Variants in EML1 observed in about 807,000 individuals in gnomAD.
The protein encoded by EML1 is EMAP like 1.
EML1 carries 27 observed loss-of-function variants against 110.4 expected under a neutral mutation model. That is an observed-to-expected ratio of 0.24 (90% CI 0.18 to 0.34). The LOEUF is 0.34. Ranked by LOEUF, EML1 falls within the 10% of genes least tolerant of loss-of-function variation. The probability of loss-of-function intolerance (pLI) is 1.00; values close to 1 mark genes in which losing one functional copy is unlikely to be tolerated. For synonymous variants in EML1, 344 were observed against 385.8 expected (o/e 0.89, Z 1.27); for missense variants, 741 against 1,030.9 (o/e 0.72, Z 3.85).
chr14:99,929,570 C>T (rs1488235212), intron 17 of EML1, among the ~76,000 whole-genome samples: 1 of 152,184 alleles, frequency 6.6e-6, no homozygotes, highest in Non-Finnish European at 1.5e-5. Flanking sequence ...TAACTAACTA[C>T]AGTGCAACAG....
At chr14:99,883,257 G>C (rs536332124) in intron 4 of EML1, 3 of 152,106 alleles carry the variant, frequency 2.0e-5, no homozygotes, top group African/African-American at 7.2e-5. Flanking sequence ...TAGGCCGGGC[G>C]TGGTGGCCCA....
intron 1 of EML1, among the ~76,000 whole-genome samples, chr14:99,744,989 T>C (rs2140164177): frequency 6.6e-6 from 1 of 152,278 alleles, no homozygotes; most frequent in East Asian, 1.9e-4. Context: ...TTCACTCTAA[T>C]ACAGATATGC....
intron 1 of EML1, among the ~76,000 whole-genome samples, chr14:99,788,345 T>C (rs1161396336): frequency 6.6e-6 from 1 of 152,232 alleles, no homozygotes; most frequent in East Asian, 1.9e-4. Flanking sequence ...CACATGTAGG[T>C]ACATTGTAAG....
chr14:99,898,317 C>T lies in EML1; in HGVS notation c.897+15C>T. On this transcript the variant is annotated intron_variant, in intron 8 of 21. Coordinates refer to ENST00000262233, the MANE Select transcript of EML1 (RefSeq NM_004434.3). Reference sequence around the variant, plus strand: ...AGGATGGAAAAGTGAGTTACGTTACCTTTTCATTGTTTCATAATGAACTGG... The same window carrying T: ...AGGATGGAAAAGTGAGTTACGTTACTTTTTCATTGTTTCATAATGAACTGG... 1 of 1,606,552 alleles carries T rather than the reference C, an allele frequency of 6.2e-7. No individual in the cohort carries two copies. The highest frequency in any genetic ancestry group is 8.5e-7 in the Non-Finnish European group (1 of 1,175,970).
upstream of EML1, among the ~76,000 whole-genome samples, chr14:99,770,391 C>CTATCTATCTATT (rs1201436568): frequency 9.6e-4 from 146 of 152,036 alleles, 1 homozygote; most frequent in Middle Eastern, 0.02. Context: ...ATCTATCTAT[C>CTATCTATCTATT]TATCTATCTA....
chr14:99,747,696 C>T (rs780471650), intron 1 of EML1, among the ~76,000 whole-genome samples: 19 of 152,166 alleles, frequency 1.2e-4, no homozygotes, highest in Non-Finnish European at 2.4e-4. Context: ...GGCTTGGGCC[C>T]GCTTCTTATC....
rs576695242 is a variant in EML1 at position 99,774,554 on chromosome 14, G to T, written c.-27+541G>T. Among the ~76,000 whole-genome samples, 3 of 152,266 alleles carry T rather than the reference G, an allele frequency of 2.0e-5. No individual in the cohort carries two copies. In the East Asian group the frequency reaches 5.8e-4, roughly 29 times the overall value. On this transcript the variant is annotated intron_variant, in intron 1 of 22. Transcript: ENST00000327921. ...CCACCCACTCAAGGGTTCATGCTTG[G>T]CACGGGAGCAGCCCTCCAAGCCCCT... is the stretch of plus-strand genomic sequence containing the variant.
In EML1 at chr14:99,939,339, G is replaced by A. The variant is rs768812259; in HGVS notation, c.2322+12G>A. 1.7e-5 allele frequency: 27 copies of A among 1,613,946 alleles called. No individual in the cohort carries two copies. The highest frequency in any genetic ancestry group is 2.3e-5 in the Non-Finnish European group (27 of 1,179,966). ...GCTCGCAGTTCAGGGTAAAGGACTT[G>A]TTTCTTCACTAATCTTATCCCCCAT... On this transcript the variant is annotated intron_variant, in intron 21 of 21. Coordinates refer to ENST00000262233, the MANE Select transcript of EML1 (RefSeq NM_004434.3). The surrounding 1 kb of genome is among the most constrained non-coding windows in gnomAD (Gnocchi z 4.2).
Position 99,900,928 on chromosome 14 carries a change from G to A in EML1, c.898-1G>A. On this transcript the variant is annotated splice_acceptor_variant, in intron 8 of 21. Coordinates refer to ENST00000262233, the MANE Select transcript of EML1 (RefSeq NM_004434.3). LOFTEE classifies it high-confidence loss of function. ...TGGCTCTGTGTTTCTTTTCTGAACA[G>A]CAATTGCCCCCACATGTGCGCATCT... The A allele has an allele frequency of 1.2e-6, 2 of 1,613,660 alleles. No homozygotes were observed. The highest frequency in any genetic ancestry group is 1.7e-6 in the Non-Finnish European group (2 of 1,179,548).
intron 4 of EML1, among the ~76,000 whole-genome samples, chr14:99,887,372 CG>C (rs1004291485): frequency 5.3e-5 from 8 of 151,980 alleles, no homozygotes; most frequent in Admixed American, 1.3e-4. Context: ...GTTTGTTCAC[CG>C]GGGGGGCAAA....
intron 2 of EML1, among the ~76,000 whole-genome samples, chr14:99,857,245 TG>T (rs1052864453): frequency 3.8e-4 from 57 of 151,900 alleles, no homozygotes; most frequent in African/African-American, 1.3e-3. Flanking sequence ...CACTTCAGCC[TG>T]GGCAACAGGG....
chr14:99,917,905 T>C, intron 16 of EML1, 56 bp downstream of exon 16: 1 of 1,563,934 alleles, frequency 6.4e-7, no homozygotes, highest in Admixed American at 1.7e-5. Flanking sequence ...AGAGGCCTGT[T>C]GTTTCTATTT....
chr14:99,902,665 G>A (rs2059780906), intron 9 of EML1, among the ~76,000 whole-genome samples: 1 of 152,174 alleles, frequency 6.6e-6, no homozygotes, highest in Non-Finnish European at 1.5e-5. Context: ...GGCTTTGATG[G>A]AACTCTGTTC....
intron 1 of EML1, among the ~76,000 whole-genome samples, chr14:99,779,630 A>T (rs912590717): frequency 6.6e-6 from 1 of 152,170 alleles, no homozygotes; most frequent in African/African-American, 2.4e-5. Context: ...AGGTCTTTCC[A>T]CAAGACTTCG....
intron 1 of EML1, among the ~76,000 whole-genome samples, chr14:99,813,979 G>T (rs1479269345): frequency 1.3e-5 from 2 of 152,046 alleles, no homozygotes; most frequent in African/African-American, 4.8e-5. Flanking sequence ...GCAGACGAAG[G>T]CCAGCAGCAT....
At chr14:99,927,084 C>T (rs991575685) in intron 17 of EML1, among the ~76,000 whole-genome samples, 2 of 152,188 alleles carry the variant, frequency 1.3e-5, no homozygotes, top group African/African-American at 4.8e-5. Flanking sequence ...GTATCGTTGT[C>T]TCCTCCCCAA....
chr14:99,763,490 C>G (rs1349534291), intron 1 of EML1, among the ~76,000 whole-genome samples: 1 of 152,158 alleles, frequency 6.6e-6, no homozygotes, highest in Non-Finnish European at 1.5e-5. Flanking sequence ...GGGCACTACT[C>G]CCGGTGATAA....
chr14:99,873,701 C>A (rs1337980788), intron 3 of EML1, among the ~76,000 whole-genome samples: 1 of 152,208 alleles, frequency 6.6e-6, no homozygotes, highest in Non-Finnish European at 1.5e-5. Flanking sequence ...AGACCACTAG[C>A]CTTCCTGAAA....
In EML1 at chr14:99,940,542, A is replaced by G. The variant is rs1463493944; in HGVS notation, c.*430A>G. 1 of 153,064 alleles carries G rather than the reference A, an allele frequency of 6.5e-6. No homozygotes were observed. The highest frequency in any genetic ancestry group is 1.5e-5 in the Non-Finnish European group (1 of 68,636). 9.5% of individuals were successfully genotyped at this position (153,064 alleles called of 1,614,324 possible). On this transcript the variant is annotated 3_prime_UTR_variant, in exon 22 of 22. Coordinates refer to ENST00000262233, the MANE Select transcript of EML1 (RefSeq NM_004434.3). The stretch of plus-strand genomic sequence containing the variant: ...ACTGAACCACGATGGCTGTTGAGGA[A>G]TTGGTCCTAAAAGGACAGATCACTT...
Sources: gnomAD v4.1 joint callset for allele counts (sites outside exome capture counted in the v4.1 genomes callset) on GRCh38, gnomAD v4.1.1 for gene constraint, Gnocchi (gnomAD v3.1) non-coding constraint, MANE v1.5 for transcripts, NCBI Gene and HGNC (gene_info 2026-07-23, HGNC 2026-07-21) for gene names.